The following EBF2 variants were observed in gnomAD, a reference collection of about 807,000 sequenced individuals.
EBF2 encodes transcription factor COE2.
In EBF2, 21 loss-of-function variants were observed where a neutral mutation model predicts 72.8. The observed-to-expected ratio is 0.29, with a 90% CI of 0.20 to 0.42. The LOEUF (loss-of-function observed/expected upper bound fraction) is 0.42, where lower values mean the gene tolerates loss of function less well. Ranked by LOEUF, EBF2 falls within the 10% of genes least tolerant of loss-of-function variation. The probability of loss-of-function intolerance (pLI) is 1.00; values close to 1 mark genes in which losing one functional copy is unlikely to be tolerated. For missense variants in EBF2, 637 were observed against 731.2 expected (o/e 0.87, Z 1.49); for synonymous variants, 299 against 274.2 (o/e 1.09, Z -0.89).
At chr8:26,003,322 T>C (rs530864446) in intron 6 of EBF2, among the ~76,000 whole-genome samples, 1 of 152,328 alleles carries the variant, frequency 6.6e-6, no homozygotes, top group Admixed American at 6.5e-5. Context: ...TCCCCATCCC[T>C]ATTCCATCAT....
chr8:25,844,375 T>C lies in EBF2; in HGVS notation c.*234A>G. On this transcript the variant is annotated 3_prime_UTR_variant, in exon 16 of 16. Transcript: ENST00000520164. Reference sequence around the variant, plus strand: ...AGAATTGCATTTCTGCTCTTAGCACTGACTACGTCAATGACATCTTTTGTC... The same window carrying C: ...AGAATTGCATTTCTGCTCTTAGCACCGACTACGTCAATGACATCTTTTGTC... The C allele has an allele frequency of 2.0e-6, 1 of 491,836 alleles. No homozygotes were observed. The highest frequency in any genetic ancestry group is 3.4e-5 in the South Asian group (1 of 29,642). 30.5% of individuals were successfully genotyped at this position (491,836 alleles called of 1,614,324 possible).
chr8:25,938,795 C>A (rs1257662804), intron 6 of EBF2, among the ~76,000 whole-genome samples: 1 of 152,008 alleles, frequency 6.6e-6, no homozygotes, highest in Non-Finnish European at 1.5e-5. Flanking sequence ...ATGTGGGGGG[C>A]CTCAATTTCA....
rs1477613486 is a variant in EBF2 at position 26,010,547 on chromosome 8, A to G, written c.551+22538T>C. On this transcript the variant is annotated intron_variant, in intron 6 of 15. Coordinates refer to ENST00000520164, the MANE Select transcript of EBF2 (RefSeq NM_022659.4). Reference sequence around the variant, plus strand: ...AATCAAGCGGTCACCCGTTCCCGGCAGAAAATACCCAGCGACGCGCAGCTG... The same window carrying G: ...AATCAAGCGGTCACCCGTTCCCGGCGGAAAATACCCAGCGACGCGCAGCTG... Among the ~76,000 whole-genome samples, 4 of 152,358 alleles carry G rather than the reference A, an allele frequency of 2.6e-5. No individual in the cohort carries two copies. In the South Asian group the frequency reaches 6.2e-4, roughly 24 times the overall value.
At chr8:25,859,697 A>G (rs1242037896) in intron 13 of EBF2, among the ~76,000 whole-genome samples, 1 of 152,022 alleles carries the variant, frequency 6.6e-6, no homozygotes, top group Non-Finnish European at 1.5e-5. Flanking sequence ...ACAGAAACAA[A>G]AATAATAATA....
intron 10 of EBF2, among the ~76,000 whole-genome samples, chr8:25,866,032 A>G (rs1192372276): frequency 6.6e-6 from 1 of 151,940 alleles, no homozygotes; most frequent in Non-Finnish European, 1.5e-5. Context: ...CTCAAAAAAA[A>G]AAAAATCTTA....
At chr8:25,903,675 C>T (rs1221846145) in intron 7 of EBF2, among the ~76,000 whole-genome samples, 4 of 151,996 alleles carry the variant, frequency 2.6e-5, no homozygotes, top group South Asian at 2.1e-4. Context: ...CCAGCCTGGG[C>T]GACAGAGCGA....
intron 14 of EBF2, among the ~76,000 whole-genome samples, chr8:25,856,967 TTGTTAGACTC>T (rs897477824): frequency 4.6e-5 from 7 of 152,326 alleles, no homozygotes; most frequent in Admixed American, 4.6e-4. Flanking sequence ...GCTCAGTTTC[TTGTTAGACTC>T]TGTTTTATAT....
At chr8:25,990,332 C>A (rs1043380797) in intron 6 of EBF2, among the ~76,000 whole-genome samples, 1 of 151,988 alleles carries the variant, frequency 6.6e-6, no homozygotes, top group African/African-American at 2.4e-5. Context: ...TCTGTTAAGT[C>A]AAAACTTTAC....
chr8:26,009,808 TG>T (rs1438741893), intron 6 of EBF2, among the ~76,000 whole-genome samples: 1 of 152,218 alleles, frequency 6.6e-6, no homozygotes. Context: ...ATTCAGTGAC[TG>T]GCTTCATTTC....
chr8:26,009,107 GAAAAAAAAAAAAAAA>G (rs66503039), intron 6 of EBF2, among the ~76,000 whole-genome samples: 4 of 85,028 alleles, frequency 4.7e-5, no homozygotes, highest in Non-Finnish European at 6.4e-5. Flanking sequence ...GAGTAAAAGC[GAAAAAAAAAAAAAAA>G]AAAAAAAACC....
intron 10 of EBF2, among the ~76,000 whole-genome samples, chr8:25,867,458 C>T (rs1176470532): frequency 2.0e-5 from 3 of 152,126 alleles, no homozygotes; most frequent in Admixed American, 2.0e-4. Flanking sequence ...TTCTAGAAAC[C>T]CTCCCACCCA....
chr8:26,015,153 A>G (rs1181100717), intron 6 of EBF2, among the ~76,000 whole-genome samples: 2 of 152,140 alleles, frequency 1.3e-5, no homozygotes, highest in African/African-American at 4.8e-5. Flanking sequence ...CACCAGGAAA[A>G]GGTCATGGTG....
rs141383278 is a variant in EBF2 at position 25,842,660 on chromosome 8, T to C, written c.*1949A>G. The C allele has an allele frequency of 8.1e-4, 123 of 152,256 alleles. 2 individuals are homozygous for C. Among genetic ancestry groups the C allele is most frequent in the African/African-American group, 2.9e-3 (120 of 41,546 alleles). The allele number at this position is 152,256 out of a possible 1,614,324, so 9.4% of individuals were successfully genotyped here. The stretch of plus-strand genomic sequence containing the variant: ...CCTGACTATGAGGGACTGTCAGCAG[T>C]AGTTATAAGCATGCCAGGTTTCTAA... On this transcript the variant is annotated 3_prime_UTR_variant, in exon 16 of 16. Coordinates refer to ENST00000520164, the MANE Select transcript of EBF2 (RefSeq NM_022659.4).
Position 25,912,183 on chromosome 8 carries a change from C to T in EBF2, c.552-3628G>A, listed in dbSNP as rs565594916. Among the ~76,000 whole-genome samples the T allele has an allele frequency of 2.6e-5, 4 of 152,244 alleles. No homozygotes were observed. In the East Asian group the frequency reaches 5.8e-4, roughly 22 times the overall value. On this transcript the variant is annotated intron_variant, in intron 6 of 15. Transcript: ENST00000520164. ...ACCCCATGGGTGACGAATCATCCTA[C>T]GGCTGGGAAAAACGAAGGCCTCAAG...
At chr8:25,860,772 C>T (rs1266055550) in intron 13 of EBF2, among the ~76,000 whole-genome samples, 1 of 152,170 alleles carries the variant, frequency 6.6e-6, no homozygotes, top group Non-Finnish European at 1.5e-5. Flanking sequence ...CTGCCTCAGC[C>T]TCCCAAAGTG....
chr8:25,901,913 C>T (rs1802959499), intron 7 of EBF2, among the ~76,000 whole-genome samples: 1 of 152,200 alleles, frequency 6.6e-6, no homozygotes. Flanking sequence ...TATCCTTCCA[C>T]TAGGATGCAA....
At chr8:25,974,708 TTA>T (rs1804241034) in intron 6 of EBF2, among the ~76,000 whole-genome samples, 2 of 152,302 alleles carry the variant, frequency 1.3e-5, no homozygotes, top group South Asian at 2.1e-4. Flanking sequence ...GGCAAAATAA[TTA>T]TGAGTCCCTG....
At chr8:26,005,265 TATA>T (rs1277186667) in intron 6 of EBF2, among the ~76,000 whole-genome samples, 1 of 13,442 alleles carries the variant, frequency 7.4e-5, no homozygotes, top group Non-Finnish European at 1.2e-4. Flanking sequence ...ATATATAATA[TATA>T]ATATATATAA....
chr8:25,980,686 T>C (rs951059853), intron 6 of EBF2, among the ~76,000 whole-genome samples: 1 of 149,668 alleles, frequency 6.7e-6, no homozygotes, highest in Non-Finnish European at 1.5e-5. Context: ...CAGGGGGAGC[T>C]GCTCCAGACT....
Sources: gnomAD v4.1 joint callset for allele counts (sites outside exome capture counted in the v4.1 genomes callset) on GRCh38, gnomAD v4.1.1 for gene constraint, MANE v1.5 for transcripts, NCBI Gene and HGNC (gene_info 2026-07-23, HGNC 2026-07-21) for gene names.